The following RNF214 variants were observed in gnomAD, a reference collection of about 807,000 sequenced individuals.
RNF214 encodes the protein ring finger protein 214.
In RNF214, 25 loss-of-function variants were observed where a neutral mutation model predicts 75.9. The ratio of observed to expected loss-of-function variants is 0.33; its 90% CI spans 0.24 to 0.46. RNF214 has a LOEUF of 0.46. RNF214 is among the 20% of genes least tolerant of loss of function. RNF214 has a pLI of 1.00. For synonymous variants in RNF214, 314 were observed against 308.8 expected (o/e 1.02, Z -0.18); for missense variants, 725 against 857.5 (o/e 0.85, Z 1.93).
intron 1 of RNF214, among the ~76,000 whole-genome samples, chr11:117,233,192 A>C (rs1016285044): frequency 2.6e-5 from 4 of 152,150 alleles, no homozygotes; most frequent in Non-Finnish European, 4.4e-5. Flanking sequence ...AGTTGCATGC[A>C]TGGCCCTTGT....
chr11:117,250,612 T>TA (rs1016050852), intron 6 of RNF214, among the ~76,000 whole-genome samples: 199 of 92,174 alleles, frequency 2.2e-3, no homozygotes, highest in Non-Finnish European at 2.6e-3. Flanking sequence ...TTTATTTATT[T>TA]TTTTTTTAAT....
At chr11:117,235,956 T>A (rs1400095175) in intron 2 of RNF214, among the ~76,000 whole-genome samples, 1 of 152,006 alleles carries the variant, frequency 6.6e-6, no homozygotes, top group East Asian at 1.9e-4. Flanking sequence ...CTGTGTATTC[T>A]TCCTCAACTC....
At chr11:117,274,829 C>A (rs964952338) in intron 6 of RNF214, among the ~76,000 whole-genome samples, 2 of 151,978 alleles carry the variant, frequency 1.3e-5, no homozygotes, top group Non-Finnish European at 2.9e-5. Context: ...GCCATGATGT[C>A]TGGCTAATTT....
At chr11:117,259,433 C>T (rs1450206284) in intron 6 of RNF214, among the ~76,000 whole-genome samples, 3 of 152,120 alleles carry the variant, frequency 2.0e-5, no homozygotes, top group African/African-American at 7.2e-5. Flanking sequence ...TAGGTAGATT[C>T]CTAGCATAAT....
chr11:117,236,435 G>A (rs1171219460), intron 2 of RNF214, among the ~76,000 whole-genome samples: 6 of 152,042 alleles, frequency 3.9e-5, no homozygotes, highest in South Asian at 2.1e-4. Context: ...CACCACACCC[G>A]GCTAATTTTT....
intron 14 of RNF214, 103 bp from the exon 15 acceptor site, chr11:117,284,983 A>G (rs2034220851): frequency 3.7e-6 from 3 of 808,802 alleles, no homozygotes; most frequent in African/African-American, 1.7e-5. Context: ...CCTCAGTGTA[A>G]GAACTTTTCT....
At chr11:117,280,708 A>G (rs1169427921) in intron 8 of RNF214, among the ~76,000 whole-genome samples, 1 of 152,168 alleles carries the variant, frequency 6.6e-6, no homozygotes, top group Non-Finnish European at 1.5e-5. Flanking sequence ...TAACCTATAA[A>G]GCATAACAAT....
chr11:117,235,214 G>C, intron 2 of RNF214, among the ~76,000 whole-genome samples: 1 of 151,738 alleles, frequency 6.6e-6, no homozygotes, highest in East Asian at 1.9e-4. Flanking sequence ...TTCTTTTTTT[G>C]AGATGGAGTC....
chr11:117,255,089 A>G (rs1385406342), intron 6 of RNF214, among the ~76,000 whole-genome samples: 1 of 152,138 alleles, frequency 6.6e-6, no homozygotes, highest in Admixed American at 6.5e-5. Context: ...GCTAGTCTTG[A>G]ACTCCTCTTC....
intron 6 of RNF214, among the ~76,000 whole-genome samples, chr11:117,261,436 C>T (rs1286026902): frequency 6.6e-6 from 1 of 151,924 alleles, no homozygotes; most frequent in Non-Finnish European, 1.5e-5. Context: ...AAAAATTAGC[C>T]AGGCATGGTG....
chr11:117,281,136 G>A (rs558849090), intron 8 of RNF214, among the ~76,000 whole-genome samples, 178 bp from the exon 9 acceptor site: 4 of 151,776 alleles, frequency 2.6e-5, no homozygotes, highest in African/African-American at 9.7e-5. Context: ...CACCACACCT[G>A]GCTAATTTTG....
At chr11:117,233,800 C>G (rs1325042414) in intron 1 of RNF214, among the ~76,000 whole-genome samples, 1 of 152,202 alleles carries the variant, frequency 6.6e-6, no homozygotes, top group Non-Finnish European at 1.5e-5. Context: ...GACTTACAGG[C>G]AGACACCTCC....
intron 1 of RNF214, among the ~76,000 whole-genome samples, chr11:117,233,386 C>G (rs2032788292): frequency 6.6e-6 from 1 of 152,100 alleles, no homozygotes; most frequent in Non-Finnish European, 1.5e-5. Context: ...TGACACAGCC[C>G]CATCTACCTA....
intron 6 of RNF214, among the ~76,000 whole-genome samples, chr11:117,270,778 G>GT (rs2033895095): frequency 6.6e-6 from 1 of 152,136 alleles, no homozygotes; most frequent in Non-Finnish European, 1.5e-5. Context: ...TAGAGACAGG[G>GT]TCTCACTGTG....
At chr11:117,242,975 A>G (rs886533120) in intron 4 of RNF214, among the ~76,000 whole-genome samples, 2 of 152,214 alleles carry the variant, frequency 1.3e-5, no homozygotes, top group African/African-American at 2.4e-5. Context: ...AGAGAGTTCA[A>G]AGATTCCGGG....
Position 117,238,856 on chromosome 11 carries a change from C to T in RNF214, c.363C>T (p.Asp121=), listed in dbSNP as rs767869737. The T allele has an allele frequency of 1.9e-6, 3 of 1,614,184 alleles. No individual in the cohort carries two copies. The South Asian group carries it at 3.3e-5, about 18-fold the overall frequency. ...CCAGCACAGCAGGAGAGGAGGGGGA[C>T]ACAAGCCTTCGGGAGAGCCTCCATC... The part of the protein sequence containing the change: ...DVASTAGEEG[D]TSLRESLHPV... The change falls in exon 3 of 15, where the codon GAC becomes GAT. Residue 121 remains aspartate (D), a synonymous_variant. Transcript: ENST00000300650.
At chr11:117,275,802 A>G (rs2034005360) in intron 6 of RNF214, among the ~76,000 whole-genome samples, 1 of 152,232 alleles carries the variant, frequency 6.6e-6, no homozygotes, top group South Asian at 2.1e-4. Context: ...GCCAAATTCT[A>G]CCAGACATTC....
At chr11:117,266,815 T>C (rs1430593519) in intron 6 of RNF214, among the ~76,000 whole-genome samples, 1 of 151,524 alleles carries the variant, frequency 6.6e-6, no homozygotes, top group African/African-American at 2.4e-5. Flanking sequence ...TTTTTTGTTC[T>C]ATTTCTCATA....
intron 6 of RNF214, among the ~76,000 whole-genome samples, chr11:117,273,926 A>G (rs1425802863): frequency 6.6e-6 from 1 of 152,220 alleles, no homozygotes; most frequent in East Asian, 1.9e-4. Context: ...CTGAAAGAAT[A>G]TCTTAAAGGG....
Sources: allele counts gnomAD v4.1 joint callset (sites outside exome capture counted in the v4.1 genomes callset), GRCh38; gene constraint gnomAD v4.1.1; transcripts MANE v1.5; gene names NCBI Gene and HGNC (gene_info 2026-07-23, HGNC 2026-07-21).